The following KANSL1L variants were observed in gnomAD, a reference collection of about 807,000 sequenced individuals.
KANSL1L encodes the protein KAT8 regulatory NSL complex subunit 1-like protein.
In KANSL1L, 25 loss-of-function variants were observed where a neutral mutation model predicts 108.6. The observed-to-expected ratio is 0.23, with a 90% CI of 0.17 to 0.32. The LOEUF (loss-of-function observed/expected upper bound fraction) is 0.32. Ranked by LOEUF, KANSL1L falls within the 10% of genes least tolerant of loss-of-function variation. The pLI is 1.00. For synonymous variants in KANSL1L, 405 were observed against 395.1 expected (o/e 1.03, Z -0.30); for missense variants, 1,137 against 1,125.7 (o/e 1.01, Z -0.14).
At chr2:210,159,342 G>C (rs1341586992) in intron 1 of KANSL1L, among the ~76,000 whole-genome samples, 1 of 152,058 alleles carries the variant, frequency 6.6e-6, no homozygotes, top group Non-Finnish European at 1.5e-5. Context: ...ATTTACTTCT[G>C]CTCTAAGGTC....
chr2:210,099,747 T>C (rs1036622329), intron 4 of KANSL1L, among the ~76,000 whole-genome samples: 3 of 152,154 alleles, frequency 2.0e-5, no homozygotes, highest in Non-Finnish European at 4.4e-5. Flanking sequence ...ATGTGAATAA[T>C]GGGCCAGGAA....
chr2:210,071,793 G>C (rs1219473759), intron 6 of KANSL1L, among the ~76,000 whole-genome samples: 9 of 152,062 alleles, frequency 5.9e-5, no homozygotes. Flanking sequence ...TATCTTTCAG[G>C]GTGGTGGTGG....
intron 6 of KANSL1L, among the ~76,000 whole-genome samples, chr2:210,068,385 T>A (rs1463069599): frequency 6.6e-6 from 1 of 152,138 alleles, no homozygotes; most frequent in East Asian, 1.9e-4. Context: ...ACACAGAGAA[T>A]GCAAATCTCT....
At chr2:210,155,379 T>A (rs2095327317) in intron 1 of KANSL1L, 1 of 152,158 alleles carries the variant, frequency 6.6e-6, no homozygotes, top group Non-Finnish European at 1.5e-5. Context: ...GCCAATGCAC[T>A]CCAGCCTGCA....
intron 1 of KANSL1L, among the ~76,000 whole-genome samples, chr2:210,163,691 T>G (rs1366883127): frequency 1.3e-5 from 2 of 152,086 alleles, no homozygotes; most frequent in Non-Finnish European, 2.9e-5. Flanking sequence ...ACTTAATAAA[T>G]GAAGAAATAT....
intron 2 of KANSL1L, among the ~76,000 whole-genome samples, chr2:210,138,331 G>T (rs1397589503): frequency 6.6e-6 from 1 of 151,628 alleles, no homozygotes; most frequent in Non-Finnish European, 1.5e-5. Flanking sequence ...AGAGGAAGGG[G>T]GTGGGTAAGG....
chr2:210,031,343 C>A lies in KANSL1L; in HGVS notation c.2155+78G>T. The stretch of plus-strand genomic sequence containing the variant: ...GTGGCTGTTCTGGATTATAAACTCC[C>A]ATGAGAGGTTATTTTAAAATCAGAA... On this transcript the variant is annotated intron_variant, in intron 9 of 14. Coordinates refer to ENST00000281772, the MANE Select transcript of KANSL1L (RefSeq NM_152519.4). 3.0e-6 allele frequency: 3 copies of A among 985,788 alleles called. No individual in the cohort carries two copies. In the South Asian group the frequency reaches 4.4e-5, roughly 14 times the overall value. 61.1% of individuals were successfully genotyped at this position (985,788 alleles called of 1,614,324 possible). A position where few individuals can be genotyped will look rare whatever the true frequency, so the allele number is the denominator to read the frequency against.
chr2:210,119,237 C>T (rs1327834974), intron 3 of KANSL1L, among the ~76,000 whole-genome samples: 4 of 151,824 alleles, frequency 2.6e-5, no homozygotes, highest in African/African-American at 9.7e-5. Flanking sequence ...AATGGCTTCA[C>T]TGCTGAATTT....
rs548284620 is a variant in KANSL1L, at chr2:210,027,804, A to C, written c.2397-454T>G. Among the ~76,000 whole-genome samples, 22 of 152,342 alleles carry C rather than the reference A, an allele frequency of 1.4e-4. 1 individual carries two copies. The highest frequency in any genetic ancestry group is 6.2e-4 in the South Asian group (3 of 4,832). ...ACTATCTGCTCAGCCAGCTAGCTCC[A>C]GCCTACCATTGCAAGTTGAAATATA... On this transcript the variant is annotated intron_variant, in intron 11 of 14. Transcript: ENST00000281772.
chr2:210,078,563 GCATATTCT>G (rs2094558309), intron 5 of KANSL1L, among the ~76,000 whole-genome samples: 1 of 152,156 alleles, frequency 6.6e-6, no homozygotes, highest in Admixed American at 6.5e-5. Context: ...TGTGCAAACT[GCATATTCT>G]CATCAAAGCT....
At chr2:210,128,375 T>A (rs560724370) in intron 3 of KANSL1L, among the ~76,000 whole-genome samples, 1 of 152,284 alleles carries the variant, frequency 6.6e-6, no homozygotes, top group Non-Finnish European at 1.5e-5. Flanking sequence ...CATCAACGGA[T>A]GAATGAATAA....
At position 210,022,628 on chromosome 2, in the gene KANSL1L, G is replaced by GTATATATATA. The variant is rs1199497509; in HGVS notation, c.*320_*321insTATATATATA. 1 of 293,324 alleles carries GTATATATATA rather than the reference G, an allele frequency of 3.4e-6. No individual in the cohort carries two copies. The highest frequency in any genetic ancestry group is 6.5e-6 in the Non-Finnish European group (1 of 153,506). The allele number at this position is 293,324 out of a possible 1,614,324, so 18.2% of individuals were successfully genotyped here. A position where few individuals can be genotyped will look rare whatever the true frequency, so the allele number is the denominator to read the frequency against. On this transcript the variant is annotated 3_prime_UTR_variant, in exon 15 of 15. Coordinates refer to ENST00000281772, the MANE Select transcript of KANSL1L (RefSeq NM_152519.4). ...TATGTATGTGTATATATATATGTAT[G>GTATATATATA]TATGTATGGTGTGGGTACATAGTCT...
At chr2:210,160,524 C>T (rs1316039551) in intron 1 of KANSL1L, among the ~76,000 whole-genome samples, 1 of 152,028 alleles carries the variant, frequency 6.6e-6, no homozygotes, top group Non-Finnish European at 1.5e-5. Context: ...TTTCTATATG[C>T]TAGAAATAAA....
chr2:210,042,667 T>G (rs1478799142), intron 7 of KANSL1L, among the ~76,000 whole-genome samples: 2 of 152,188 alleles, frequency 1.3e-5, no homozygotes, highest in Non-Finnish European at 2.9e-5. Context: ...GAAAATGTAA[T>G]GTGCTTAATA....
chr2:210,038,954 G>A (rs571831784), intron 8 of KANSL1L, among the ~76,000 whole-genome samples: 1 of 151,936 alleles, frequency 6.6e-6, no homozygotes, highest in South Asian at 2.1e-4. Flanking sequence ...ATAAGAATTT[G>A]TTGTTGTTGT....
intron 2 of KANSL1L, among the ~76,000 whole-genome samples, chr2:210,150,329 T>A (rs1432305952): frequency 1.3e-5 from 2 of 152,194 alleles, no homozygotes; most frequent in African/African-American, 4.8e-5. Flanking sequence ...GTACGTTATT[T>A]AGTAAAAAAA....
chr2:210,077,694 T>C (rs1195812176), intron 5 of KANSL1L, among the ~76,000 whole-genome samples: 1 of 152,210 alleles, frequency 6.6e-6, no homozygotes, highest in Non-Finnish European at 1.5e-5. Flanking sequence ...CTCAAGGATG[T>C]GTCTAGGGAA....
intron 14 of KANSL1L, among the ~76,000 whole-genome samples, 158 bp downstream of exon 14, chr2:210,023,875 G>A (rs2093896352): frequency 6.6e-6 from 1 of 152,138 alleles, no homozygotes; most frequent in Non-Finnish European, 1.5e-5. Context: ...ATTATAGTTA[G>A]TAGTGGACAC....
intron 5 of KANSL1L, among the ~76,000 whole-genome samples, chr2:210,092,916 G>C (rs1355724943): frequency 6.6e-6 from 1 of 151,724 alleles, no homozygotes; most frequent in Non-Finnish European, 1.5e-5. Flanking sequence ...ACATCTCAAA[G>C]ATAGGTTTTT....
Sources: gnomAD v4.1 joint callset for allele counts (sites outside exome capture counted in the v4.1 genomes callset) on GRCh38, gnomAD v4.1.1 for gene constraint, MANE v1.5 for transcripts, NCBI Gene and HGNC (gene_info 2026-07-23, HGNC 2026-07-21) for gene names.